The following BMPR1A variants were observed in gnomAD, a reference collection of about 807,000 sequenced individuals.
The protein encoded by BMPR1A is bone morphogenetic protein receptor type-1A.
In BMPR1A, 7 loss-of-function variants were observed where a neutral mutation model predicts 66.0. The observed-to-expected ratio is 0.11, with a 90% CI of 0.06 to 0.20. BMPR1A has a LOEUF of 0.20. Ranked by LOEUF, BMPR1A falls within the 10% of genes least tolerant of loss-of-function variation. The probability of loss-of-function intolerance (pLI) is 1.00; values close to 1 mark genes in which losing one functional copy is unlikely to be tolerated. For synonymous variants in BMPR1A, 200 were observed against 229.7 expected (o/e 0.87, Z 1.17); for missense variants, 408 against 669.1 (o/e 0.61, Z 4.31).
chr10:86,764,111 T>A (rs1841125077), intron 1 of BMPR1A, among the ~76,000 whole-genome samples: 1 of 152,230 alleles, frequency 6.6e-6, no homozygotes, highest in East Asian at 1.9e-4. Flanking sequence ...GTTTTGATAC[T>A]GTTTTATGTA....
rs1841775518 is a variant in BMPR1A at position 86,799,469 on chromosome 10, T to TTCCTTCCTTCCTTCCTTCCTTC, written c.-267-39396_-267-39395insTCCTTCCTTCCTTCCTTCCTTC. On this transcript the variant is annotated intron_variant, in intron 1 of 12. Transcript: ENST00000372037. ...TGTACATTTTCTTTCTTCCTTCCTT[T>TTCCTTCCTTCCTTCCTTCCTTC]CTTCCTTCCTTCCTTCCTTCCTTCC... 6.1e-4 allele frequency among the ~76,000 whole-genome samples: 74 copies of TTCCTTCCTTCCTTCCTTCCTTC among 121,000 alleles called. 2 individuals are homozygous for TTCCTTCCTTCCTTCCTTCCTTC. The highest frequency in any genetic ancestry group is 2.1e-3 in the African/African-American group (71 of 34,356). The allele number at this position is 121,000 out of a possible 152,430, so 79.4% of individuals were successfully genotyped here. A position where few individuals can be genotyped will look rare whatever the true frequency, so the allele number is the denominator to read the frequency against.
At chr10:86,800,869 C>T (rs1284968679) in intron 1 of BMPR1A, among the ~76,000 whole-genome samples, 3 of 152,266 alleles carry the variant, frequency 2.0e-5, no homozygotes, top group East Asian at 1.9e-4. Context: ...GGAATTCAGA[C>T]ATTGAAAGGG....
chr10:86,869,082 T>G (rs1229301929), intron 2 of BMPR1A, among the ~76,000 whole-genome samples: 1 of 152,182 alleles, frequency 6.6e-6, no homozygotes, highest in Non-Finnish European at 1.5e-5. Context: ...GATTAGATAT[T>G]TTTAATGTAA....
chr10:86,890,886 C>T (rs981101746), intron 4 of BMPR1A, among the ~76,000 whole-genome samples: 1 of 152,106 alleles, frequency 6.6e-6, no homozygotes, highest in Non-Finnish European at 1.5e-5. Context: ...GTGTTAGCTG[C>T]ACAACATGTT....
intron 1 of BMPR1A, among the ~76,000 whole-genome samples, chr10:86,835,691 A>G (rs1842337089): frequency 6.6e-6 from 1 of 151,272 alleles, no homozygotes; most frequent in African/African-American, 2.4e-5. Flanking sequence ...CTGAAACCTT[A>G]TAGATAACTG....
chr10:86,789,726 C>G (rs7089780), intron 1 of BMPR1A, among the ~76,000 whole-genome samples: 2 of 143,704 alleles, frequency 1.4e-5, no homozygotes, highest in Non-Finnish European at 1.5e-5. Context: ...AAAAAAAAAA[C>G]AAACAAACAC....
chr10:86,909,900 G>C (rs772232859), intron 7 of BMPR1A, among the ~76,000 whole-genome samples: 8 of 152,160 alleles, frequency 5.3e-5, no homozygotes, highest in Admixed American at 5.2e-4. Flanking sequence ...TGTTGGTGGA[G>C]GGATTCCAAC....
intron 3 of BMPR1A, among the ~76,000 whole-genome samples, chr10:86,881,359 C>G (rs937241651): frequency 2.6e-5 from 4 of 152,214 alleles, no homozygotes; most frequent in Non-Finnish European, 5.9e-5. Context: ...CTAACATGAA[C>G]TGTGCCACCT....
rs770781608 is a variant in BMPR1A at position 86,923,730 on chromosome 10, A to T, written c.*11A>T. On this transcript the variant is annotated 3_prime_UTR_variant, in exon 13 of 13. Transcript: ENST00000372037. ...GATGTAAAAATCTGATGGTTAAACC[A>T]TCGGAGGAGAAACTCTAGACTGCAA... 3 of 1,612,722 alleles carry T rather than the reference A, an allele frequency of 1.9e-6. No individual in the cohort carries two copies. The highest frequency in any genetic ancestry group is 1.7e-5 in the Admixed American group (1 of 60,006).
chr10:86,904,797 A>G (rs1032057116), intron 7 of BMPR1A, among the ~76,000 whole-genome samples: 1 of 152,232 alleles, frequency 6.6e-6, no homozygotes, highest in African/African-American at 2.4e-5. Flanking sequence ...AGAACATACA[A>G]TCAGACATCA....
At chr10:86,859,537 A>C (rs1010219520) in intron 2 of BMPR1A, among the ~76,000 whole-genome samples, 2 of 152,124 alleles carry the variant, frequency 1.3e-5, no homozygotes, top group African/African-American at 4.8e-5. Context: ...TGAAAAGAAG[A>C]GACCGGAAGT....
intron 2 of BMPR1A, among the ~76,000 whole-genome samples, chr10:86,851,674 T>TA (rs755062503): frequency 1.3e-5 from 2 of 152,166 alleles, no homozygotes; most frequent in Non-Finnish European, 2.9e-5. Context: ...ACATTGTAGT[T>TA]ACTCTGGCAA....
intron 2 of BMPR1A, among the ~76,000 whole-genome samples, chr10:86,874,398 C>T (rs28384182): frequency 0.023 from 3,545 of 151,364 alleles, 141 homozygotes; most frequent in African/African-American, 0.081. Context: ...CCTCCGCTCC[C>T]CTCCCCTCCT....
chr10:86,769,471 A>G (rs1841216398), intron 1 of BMPR1A, among the ~76,000 whole-genome samples: 1 of 152,254 alleles, frequency 6.6e-6, no homozygotes. Context: ...TCATTCACTC[A>G]GAGTGGATGA....
At chr10:86,889,227 A>G (rs1015913366) in intron 3 of BMPR1A, among the ~76,000 whole-genome samples, 1 of 152,220 alleles carries the variant, frequency 6.6e-6, no homozygotes, top group African/African-American at 2.4e-5. Flanking sequence ...GTGTAAGAAC[A>G]TAGTTCTATT....
At chr10:86,761,463 A>G (rs1302108689) in intron 1 of BMPR1A, among the ~76,000 whole-genome samples, 1 of 152,206 alleles carries the variant, frequency 6.6e-6, no homozygotes. Flanking sequence ...TTATAATCAC[A>G]TTTGCAGTTA....
chr10:86,901,732 A>G (rs1048986703), intron 7 of BMPR1A, among the ~76,000 whole-genome samples: 3 of 152,188 alleles, frequency 2.0e-5, no homozygotes, highest in African/African-American at 7.2e-5. Flanking sequence ...CCTTTGTCAA[A>G]TAACTGAATC....
intron 2 of BMPR1A, among the ~76,000 whole-genome samples, chr10:86,874,445 A>G (rs1769581548): frequency 1.3e-5 from 2 of 151,636 alleles, no homozygotes; most frequent in African/African-American, 4.9e-5. Flanking sequence ...TCACTCTGTC[A>G]CCCAGGCTGG....
At chr10:86,758,979 A>G (rs1358366828) in intron 1 of BMPR1A, among the ~76,000 whole-genome samples, 1 of 152,236 alleles carries the variant, frequency 6.6e-6, no homozygotes, top group African/African-American at 2.4e-5. Flanking sequence ...CATGGAGCTT[A>G]AAGTCTAGTG....
Sources: allele counts gnomAD v4.1 joint callset (sites outside exome capture counted in the v4.1 genomes callset), GRCh38; gene constraint gnomAD v4.1.1; transcripts MANE v1.5; gene names NCBI Gene and HGNC (gene_info 2026-07-23, HGNC 2026-07-21).